Variants in KRCC1 observed in about 807,000 individuals in gnomAD.
KRCC1 encodes the protein lysine-rich coiled-coil protein 1.
KRCC1 carries 3 observed loss-of-function variants against 7.4 expected under a neutral mutation model. That is an observed-to-expected ratio of 0.40 (90% CI 0.18 to 1.04). KRCC1 has a LOEUF of 1.04. Among genes scored for constraint, KRCC1 ranks in the 50% least tolerant of loss-of-function variants. The pLI, the probability that KRCC1 is intolerant of heterozygous loss-of-function variation, is 0.33. For missense variants in KRCC1, 277 were observed against 300.9 expected (o/e 0.92, Z 0.59); for synonymous variants, 102 against 101.6 (o/e 1.00, Z -0.02).
chr2:88,036,235 G>A (rs768568221), intron 2 of KRCC1, among the ~76,000 whole-genome samples: 2 of 152,154 alleles, frequency 1.3e-5, no homozygotes, highest in Non-Finnish European at 2.9e-5. Context: ...GTCTCAGAGC[G>A]TGAGAAGAGC....
intron 3 of KRCC1, 106 bp from the exon 4 acceptor site, chr2:88,028,691 C>A: frequency 2.8e-6 from 2 of 704,916 alleles, no homozygotes; most frequent in East Asian, 2.9e-5. Flanking sequence ...GCCCTGTCGC[C>A]CAGACTAGAG....
At chr2:88,047,163 TCTAC>T (rs374241845) in intron 1 of KRCC1, among the ~76,000 whole-genome samples, 7 of 152,394 alleles carry the variant, frequency 4.6e-5, no homozygotes, top group African/African-American at 9.6e-5. Context: ...TCTGTTACAT[TCTAC>T]CTACCTTTTA....
At chr2:88,035,993 T>C (rs1405063699) in intron 2 of KRCC1, among the ~76,000 whole-genome samples, 1 of 152,192 alleles carries the variant, frequency 6.6e-6, no homozygotes, top group African/African-American at 2.4e-5. Flanking sequence ...GAGTCAAGGC[T>C]TGAATCCAAG....
intron 1 of KRCC1, among the ~76,000 whole-genome samples, chr2:88,038,669 G>T (rs1673143046): frequency 6.6e-6 from 1 of 152,198 alleles, no homozygotes; most frequent in South Asian, 2.1e-4. Flanking sequence ...TTGCACAGCT[G>T]GGGAGGCCTT....
chr2:88,028,229 G>A lies in KRCC1; in HGVS notation c.335C>T (p.Ser112Leu), dbSNP rs371687080. Residue 112 changes from serine (S) to leucine (L), a missense_variant, in exon 4 of 4, where the codon TCA (serine) becomes TTA (leucine). Transcript: ENST00000347055. ...AAAGTTCAGGGGTACTGGTTTTTCT[G>A]AGAAACAGTCCCTCGTGAACTGACA... is the stretch of plus-strand genomic sequence containing the variant. ...SYCQFTRDCF[S>L]EKPVPLNFNQ... 2 of 1,614,026 alleles carry A rather than the reference G, an allele frequency of 1.2e-6. No individual in the cohort carries two copies. Among genetic ancestry groups the A allele is most frequent in the African/African-American group, 1.3e-5 (1 of 74,906 alleles).
intron 2 of KRCC1, among the ~76,000 whole-genome samples, chr2:88,034,578 A>G (rs1260292826): frequency 6.6e-6 from 1 of 152,210 alleles, no homozygotes; most frequent in East Asian, 1.9e-4. Flanking sequence ...GAATAATCAA[A>G]TTTGGTGAAT....
intron 1 of KRCC1, among the ~76,000 whole-genome samples, chr2:88,053,362 C>G (rs556739905): frequency 1.3e-5 from 2 of 151,322 alleles, no homozygotes; most frequent in Non-Finnish European, 3.0e-5. Context: ...GTCTTTTGCA[C>G]ATATTTAAAG....
intron 2 of KRCC1, among the ~76,000 whole-genome samples, chr2:88,034,603 C>G (rs1049328386): frequency 2.6e-5 from 4 of 152,136 alleles, no homozygotes; most frequent in African/African-American, 9.7e-5. Context: ...ATAGTCATTA[C>G]TTCAAATGTT....
chr2:88,047,351 G>A (rs989357417), intron 1 of KRCC1, among the ~76,000 whole-genome samples: 12 of 152,096 alleles, frequency 7.9e-5, no homozygotes, highest in African/African-American at 2.4e-5. Flanking sequence ...CCAAGTGCTG[G>A]GATTACAGGC....
At chr2:88,036,760 G>A (rs1006675873) in intron 2 of KRCC1, among the ~76,000 whole-genome samples, 183 bp downstream of exon 2, 2 of 152,180 alleles carry the variant, frequency 1.3e-5, no homozygotes, top group Non-Finnish European at 2.9e-5. Context: ...TTCAGAATTA[G>A]AAAGATCTGA....
At chr2:88,041,733 C>G (rs1022946382) in intron 1 of KRCC1, among the ~76,000 whole-genome samples, 5 of 152,170 alleles carry the variant, frequency 3.3e-5, no homozygotes, top group African/African-American at 1.2e-4. Flanking sequence ...ATAGTGATTA[C>G]TATATATTTA....
intron 1 of KRCC1, among the ~76,000 whole-genome samples, chr2:88,046,771 A>G (rs1312213190): frequency 2.0e-5 from 3 of 152,206 alleles, no homozygotes; most frequent in Non-Finnish European, 4.4e-5. Flanking sequence ...CCCAGGCTCA[A>G]TTGATCCTCC....
At chr2:88,037,841 AC>A (rs1425223034) in intron 1 of KRCC1, among the ~76,000 whole-genome samples, 1 of 152,206 alleles carries the variant, frequency 6.6e-6, no homozygotes, top group Non-Finnish European at 1.5e-5. Flanking sequence ...AGCTTCTACA[AC>A]TTTTGCTGAA....
Position 88,027,826 on chromosome 2 carries a change from T to G in KRCC1, c.738A>C (p.Thr246=), listed in dbSNP as rs369250231. ...ACTGGTCCCAAAGCATTTCCTCCTC[T>G]GTCCTTTCTTGGCCTTGTTCCTTTT... ...KKKKEQGQER[T]EEEMLWDQSI... Residue 246 remains threonine (T), a synonymous_variant, in exon 4 of 4, where the codon ACA becomes ACC. Transcript: ENST00000347055. The G allele has an allele frequency of 3.7e-6, 6 of 1,604,194 alleles. No homozygotes were observed. The highest frequency in any genetic ancestry group is 5.1e-6 in the Non-Finnish European group (6 of 1,177,914).
intron 1 of KRCC1, among the ~76,000 whole-genome samples, chr2:88,049,715 T>C (rs1673425743): frequency 6.6e-6 from 1 of 152,220 alleles, no homozygotes; most frequent in Admixed American, 6.5e-5. Flanking sequence ...GTGGTGAATG[T>C]AGTAGGGGCA....
intron 1 of KRCC1, among the ~76,000 whole-genome samples, chr2:88,053,731 C>G (rs2104632949): frequency 6.6e-6 from 1 of 152,138 alleles, no homozygotes; most frequent in Non-Finnish European, 1.5e-5. Flanking sequence ...TCTCCAAAGT[C>G]AATAGACACA....
chr2:88,031,447 C>A (rs1334561655), intron 3 of KRCC1, among the ~76,000 whole-genome samples: 5 of 151,910 alleles, frequency 3.3e-5, no homozygotes, highest in African/African-American at 9.7e-5. Flanking sequence ...TATCGTGAAA[C>A]CCCGACTCTA....
chr2:88,035,941 T>C (rs1673082267), intron 2 of KRCC1, among the ~76,000 whole-genome samples: 1 of 152,172 alleles, frequency 6.6e-6, no homozygotes, highest in Non-Finnish European at 1.5e-5. Context: ...TGAATAAACA[T>C]ACTTAGAGAG....
At chr2:88,043,962 AC>A (rs1278125873) in intron 1 of KRCC1, among the ~76,000 whole-genome samples, 1 of 152,216 alleles carries the variant, frequency 6.6e-6, no homozygotes, top group African/African-American at 2.4e-5. Context: ...GGCATGAGCC[AC>A]TGCGCCCGGC....
Sources: allele counts gnomAD v4.1 joint callset (sites outside exome capture counted in the v4.1 genomes callset), GRCh38; gene constraint gnomAD v4.1.1; transcripts MANE v1.5; gene names NCBI Gene and HGNC (gene_info 2026-07-23, HGNC 2026-07-21).